TMEM178B: variants seen among roughly 807,000 people sequenced by gnomAD.
The protein encoded by TMEM178B is transmembrane protein 178B.
In TMEM178B, 5 loss-of-function variants were observed where a neutral mutation model predicts 31.0. That is an observed-to-expected ratio of 0.16 (90% CI 0.08 to 0.34). The LOEUF is 0.34. Ranked by LOEUF, TMEM178B falls within the 10% of genes least tolerant of loss-of-function variation. The pLI is 1.00. For synonymous variants in TMEM178B, 164 were observed against 164.0 expected (o/e 1.00, Z 0.00); for missense variants, 275 against 400.3 (o/e 0.69, Z 2.67).
chr7:141,476,022 CAAAG>C lies in TMEM178B; in HGVS notation c.*5240_*5243del, dbSNP rs1802358617. 6.6e-6 allele frequency: 1 copy of C among 152,104 alleles called. No homozygotes were observed. Among genetic ancestry groups the C allele is most frequent in the African/African-American group, 2.4e-5 (1 of 41,402 alleles). The allele number at this position is 152,104 out of a possible 1,614,324, so 9.4% of individuals were successfully genotyped here. ...TTACCTCATGGTATATTAAGGGTGA[CAAAG>C]AAATTGCAAAGTGATTTGCAAACAT... On this transcript the variant is annotated 3_prime_UTR_variant, in exon 4 of 4. Coordinates refer to ENST00000565468, the MANE Select transcript of TMEM178B (RefSeq NM_001195278.2).
At chr7:141,205,898 G>C (rs1796954430) in intron 1 of TMEM178B, among the ~76,000 whole-genome samples, 1 of 152,218 alleles carries the variant, frequency 6.6e-6, no homozygotes. Context: ...CGCAGTTTCT[G>C]TGCCATCTCT....
At chr7:141,135,409 C>T (rs1457860036) in intron 1 of TMEM178B, among the ~76,000 whole-genome samples, 1 of 152,178 alleles carries the variant, frequency 6.6e-6, no homozygotes. Context: ...AACATTTTAT[C>T]CAATAGCTGC....
intron 2 of TMEM178B, among the ~76,000 whole-genome samples, chr7:141,346,422 T>G (rs1454717037): frequency 1.3e-5 from 2 of 152,218 alleles, no homozygotes; most frequent in African/African-American, 4.8e-5. Flanking sequence ...CTTTCCTAAT[T>G]TATCTAAATG....
At chr7:141,180,164 G>A (rs1209213532) in intron 1 of TMEM178B, among the ~76,000 whole-genome samples, 11 of 152,214 alleles carry the variant, frequency 7.2e-5, no homozygotes, top group Admixed American at 7.2e-4. Context: ...ATTGATGGCC[G>A]TGTTTTAAAA....
intron 2 of TMEM178B, among the ~76,000 whole-genome samples, chr7:141,213,481 G>A (rs934587476): frequency 6.6e-6 from 1 of 152,138 alleles, no homozygotes; most frequent in Non-Finnish European, 1.5e-5. Flanking sequence ...GCAGGTTCAT[G>A]CTGCCTCTGT....
Position 141,309,826 on chromosome 7 carries a change from TACTC to T in TMEM178B, c.496+97124_496+97127del, listed in dbSNP as rs1296464293. Among the ~76,000 whole-genome samples, 3 of 152,216 alleles carry T rather than the reference TACTC, an allele frequency of 2.0e-5. No individual in the cohort carries two copies. In the East Asian group the frequency reaches 5.8e-4, roughly 29 times the overall value. The stretch of plus-strand genomic sequence containing the variant: ...GGTTAGAGAAATAGGGTTCTTCAGT[TACTC>T]AACACCAGAAGTATATGCAGTACCC... On this transcript the variant is annotated intron_variant, in intron 2 of 3. Coordinates refer to ENST00000565468, the MANE Select transcript of TMEM178B (RefSeq NM_001195278.2).
At chr7:141,446,772 C>T (rs907523343) in intron 3 of TMEM178B, among the ~76,000 whole-genome samples, 2 of 152,144 alleles carry the variant, frequency 1.3e-5, no homozygotes, top group Non-Finnish European at 2.9e-5. Context: ...ACTTCAGGCA[C>T]AGCTATGAGA....
At chr7:141,309,874 C>T (rs1798877699) in intron 2 of TMEM178B, among the ~76,000 whole-genome samples, 2 of 152,150 alleles carry the variant, frequency 1.3e-5, no homozygotes, top group Non-Finnish European at 2.9e-5. Context: ...AAACTTTTAG[C>T]TGTTATCTTT....
intron 1 of TMEM178B, among the ~76,000 whole-genome samples, chr7:141,099,832 CTT>C (rs11372173): frequency 9.2e-5 from 13 of 141,790 alleles, no homozygotes; most frequent in Admixed American, 1.4e-4. Context: ...AACGGTGTCT[CTT>C]TTTTTTTTTT....
At chr7:141,157,103 G>T (rs1054005976) in intron 1 of TMEM178B, among the ~76,000 whole-genome samples, 1 of 152,146 alleles carries the variant, frequency 6.6e-6, no homozygotes, top group African/African-American at 2.4e-5. Context: ...AGTACTTCTG[G>T]AGGCCTGGGG....
chr7:141,278,360 T>A (rs547099388), intron 2 of TMEM178B, among the ~76,000 whole-genome samples: 1 of 152,172 alleles, frequency 6.6e-6, no homozygotes, highest in Non-Finnish European at 1.5e-5. Context: ...GGCCAGTAGA[T>A]CACTTGAGGT....
intron 1 of TMEM178B, among the ~76,000 whole-genome samples, chr7:141,198,799 T>G (rs540283885): frequency 6.6e-6 from 1 of 152,348 alleles, no homozygotes; most frequent in African/African-American, 2.4e-5. Context: ...GATGAATGAT[T>G]CTTCCCCTGG....
At chr7:141,230,594 C>G (rs1797425708) in intron 2 of TMEM178B, among the ~76,000 whole-genome samples, 1 of 152,140 alleles carries the variant, frequency 6.6e-6, no homozygotes, top group Non-Finnish European at 1.5e-5. Context: ...TTGTTACCCT[C>G]TTCACTTTCC....
intron 2 of TMEM178B, among the ~76,000 whole-genome samples, chr7:141,222,947 G>A (rs1797279147): frequency 6.6e-6 from 1 of 152,134 alleles, no homozygotes; most frequent in Non-Finnish European, 1.5e-5. Context: ...CAATAAGAAT[G>A]CAATTTAGAC....
chr7:141,316,107 A>T (rs1799001242), intron 2 of TMEM178B, among the ~76,000 whole-genome samples: 1 of 151,998 alleles, frequency 6.6e-6, no homozygotes, highest in African/African-American at 2.4e-5. Flanking sequence ...CTAGGGAGGG[A>T]AGGAAGTAGC....
chr7:141,468,694 G>A (rs950318210), intron 3 of TMEM178B, among the ~76,000 whole-genome samples: 7 of 152,186 alleles, frequency 4.6e-5, no homozygotes, highest in African/African-American at 1.4e-4. Context: ...GTCATCTCAC[G>A]CCAGGGAACT....
intron 2 of TMEM178B, among the ~76,000 whole-genome samples, chr7:141,338,203 A>AAGG (rs1308337760): frequency 5.3e-5 from 8 of 152,250 alleles, no homozygotes; most frequent in African/African-American, 1.9e-4. Flanking sequence ...CAATAGAGGT[A>AAGG]TAACAAAGGG....
chr7:141,366,164 A>G (rs1472203935), intron 2 of TMEM178B, among the ~76,000 whole-genome samples: 2 of 152,230 alleles, frequency 1.3e-5, no homozygotes, highest in Admixed American at 1.3e-4. Context: ...CTATCATAAA[A>G]ATAAAAGCTT....
chr7:141,464,152 G>C (rs1388598340), intron 3 of TMEM178B, among the ~76,000 whole-genome samples: 45 of 152,088 alleles, frequency 3.0e-4, no homozygotes, highest in Non-Finnish European at 1.5e-5. Context: ...CAGAGCCCTA[G>C]GACAATGGGG....
Sources: gnomAD v4.1 joint callset for allele counts (sites outside exome capture counted in the v4.1 genomes callset) on GRCh38, gnomAD v4.1.1 for gene constraint, MANE v1.5 for transcripts, NCBI Gene and HGNC (gene_info 2026-07-23, HGNC 2026-07-21) for gene names.